The following IFT57 variants were observed in gnomAD, a reference collection of about 807,000 sequenced individuals.
IFT57 encodes the protein intraflagellar transport 57.
In IFT57, 59 loss-of-function variants were observed where a neutral mutation model predicts 56.8. The ratio of observed to expected loss-of-function variants is 1.04; its 90% confidence interval spans 0.84 to 1.29. IFT57 has a LOEUF of 1.29. IFT57 is among the 50% of genes most tolerant of loss of function. IFT57 has a pLI of 0.00. For missense variants in IFT57, 470 were observed against 522.1 expected, an observed-to-expected ratio of 0.90 and a Z score of 0.97; for synonymous variants, 209 against 186.1, an observed-to-expected ratio of 1.12 and a Z score of -1.00.
At chr3:108,214,914 C>A (rs2080362781) in intron 3 of IFT57, among the ~76,000 whole-genome samples, 1 of 152,074 alleles carries the variant, frequency 6.6e-6, no homozygotes. Context: ...TAACCTTTTC[C>A]TGCACAGACC....
intron 6 of IFT57, among the ~76,000 whole-genome samples, chr3:108,172,859 A>G (rs1260641108): frequency 6.6e-6 from 1 of 151,872 alleles, no homozygotes; most frequent in African/African-American, 2.4e-5. Context: ...TAAGTTTGAT[A>G]AGCTACTGGG....
At chr3:108,175,521 A>C (rs2080119326) in intron 6 of IFT57, among the ~76,000 whole-genome samples, 2 of 151,822 alleles carry the variant, frequency 1.3e-5, no homozygotes, top group African/African-American at 4.8e-5. Flanking sequence ...GTACACCATA[A>C]AATCAAAAAG....
At chr3:108,217,728 A>T (rs9844339) in intron 3 of IFT57, among the ~76,000 whole-genome samples, 66,771 of 134,060 alleles carry the variant, frequency 0.5, 15,295 homozygotes, top group Middle Eastern at 0.63. Context: ...AGTTCTAATT[A>T]AAAAAAAAAA....
At chr3:108,216,438 G>C (rs111489992) in intron 3 of IFT57, among the ~76,000 whole-genome samples, 1 of 152,156 alleles carries the variant, frequency 6.6e-6, no homozygotes, top group East Asian at 1.9e-4. Context: ...ACCCCAGTTA[G>C]AATGGCTATT....
chr3:108,185,947 C>G (rs1207127718), intron 6 of IFT57, among the ~76,000 whole-genome samples: 1 of 152,028 alleles, frequency 6.6e-6, no homozygotes, highest in South Asian at 2.1e-4. Flanking sequence ...TTTTTGATAT[C>G]GGACCATGCC....
chr3:108,192,174 C>CAAA (rs11347289), intron 5 of IFT57, among the ~76,000 whole-genome samples: 12 of 74,664 alleles, frequency 1.6e-4, no homozygotes, highest in African/African-American at 2.1e-4. Context: ...GACTCTGTCT[C>CAAA]AAAAAAAAAA....
intron 6 of IFT57, among the ~76,000 whole-genome samples, chr3:108,185,551 A>ATTTTTTT (rs1179200943): frequency 2.3e-5 from 2 of 87,292 alleles, no homozygotes; most frequent in African/African-American, 4.8e-5. Context: ...GAGCACTAGG[A>ATTTTTTT]TTTTTTTTTT....
At chr3:108,215,527 G>A (rs879567254) in intron 3 of IFT57, among the ~76,000 whole-genome samples, 1 of 152,136 alleles carries the variant, frequency 6.6e-6, no homozygotes, top group Non-Finnish European at 1.5e-5. Context: ...GACAGAGTGA[G>A]ACCCTGTCTT....
At chr3:108,186,475 G>A (rs1170929951) in intron 6 of IFT57, among the ~76,000 whole-genome samples, 2 of 152,088 alleles carry the variant, frequency 1.3e-5, no homozygotes, top group Non-Finnish European at 2.9e-5. Flanking sequence ...GGAGGAAGAC[G>A]AAGAAGAAGT....
At chr3:108,216,286 ACTAGT>A (rs1260804174) in intron 3 of IFT57, among the ~76,000 whole-genome samples, 3 of 152,224 alleles carry the variant, frequency 2.0e-5, no homozygotes, top group African/African-American at 7.2e-5. Context: ...CAACAAAAAA[ACTAGT>A]CTAATTTTTA....
In IFT57 at chr3:108,193,641, G is replaced by A. The variant is rs139020293; in HGVS notation, c.655-1998C>T. Reference sequence around the variant, plus strand: ...ATACTTCTATATATATTGGATCTAGGGTAGCCCAAGAGTATCATAGCTGGG... The same window carrying A: ...ATACTTCTATATATATTGGATCTAGAGTAGCCCAAGAGTATCATAGCTGGG... On this transcript the variant is annotated intron_variant, in intron 5 of 10. Coordinates refer to ENST00000264538, the MANE Select transcript of IFT57 (RefSeq NM_018010.4). Among the ~76,000 whole-genome samples, 1,179 of 152,084 alleles carry A rather than the reference G, an allele frequency of 7.8e-3. 13 individuals are homozygous for A. The highest frequency in any genetic ancestry group is 0.014 in the Middle Eastern group (4 of 294).
At chr3:108,191,107 T>A (rs1473351166) in intron 6 of IFT57, among the ~76,000 whole-genome samples, 1 of 152,148 alleles carries the variant, frequency 6.6e-6, no homozygotes, top group Non-Finnish European at 1.5e-5. Flanking sequence ...TTATTTTTAA[T>A]CACATGTATT....
chr3:108,210,810 T>C (rs2080339291), intron 4 of IFT57, among the ~76,000 whole-genome samples: 1 of 152,174 alleles, frequency 6.6e-6, no homozygotes. Context: ...AGAGACTTGA[T>C]GCAAGGGAAT....
At chr3:108,180,242 A>T (rs560220913) in intron 6 of IFT57, among the ~76,000 whole-genome samples, 1 of 151,934 alleles carries the variant, frequency 6.6e-6, no homozygotes, top group African/African-American at 2.4e-5. Context: ...GTTGACTCAG[A>T]CCTATTATTT....
chr3:108,192,064 C>T lies in IFT57; in HGVS notation c.655-421G>A, dbSNP rs557668895. Among the ~76,000 whole-genome samples, 8 of 148,822 alleles carry T rather than the reference C, an allele frequency of 5.4e-5. No homozygotes were observed. In the East Asian group the frequency reaches 1.0e-3, roughly 19 times the overall value. On this transcript the variant is annotated intron_variant, in intron 5 of 10. Coordinates refer to ENST00000264538, the MANE Select transcript of IFT57 (RefSeq NM_018010.4). ...GTGGGCGCCTGTAGTCCCAGCTACT[C>T]GGGAGGCTGAGGCAGGAGAATGGAG...
chr3:108,214,173 AAAC>A lies in IFT57; in HGVS notation c.495-155_495-153del, dbSNP rs1261149771. On this transcript the variant is annotated intron_variant, in intron 3 of 10. Coordinates refer to ENST00000264538, the MANE Select transcript of IFT57 (RefSeq NM_018010.4). ...TTAAATGTTTCATGTATTTTTCCTA[AAAC>A]TTTCTATGTAAAAAGCAAAAGTGTT... is the stretch of plus-strand genomic sequence containing the variant. 3.7e-5 allele frequency: 20 copies of A among 535,860 alleles called. No individual in the cohort carries two copies. The Admixed American group carries it at 3.8e-4, about 10-fold the overall frequency. The allele number at this position is 535,860 out of a possible 1,614,324, so 33.2% of individuals were successfully genotyped here. A position where few individuals can be genotyped will look rare whatever the true frequency, so the allele number is the denominator to read the frequency against.
chr3:108,194,565 C>T lies in IFT57; in HGVS notation c.655-2922G>A, dbSNP rs188515200. 3.3e-3 allele frequency among the ~76,000 whole-genome samples: 506 copies of T among 152,174 alleles called. 3 individuals carry two copies. Among genetic ancestry groups the T allele is most frequent in the Middle Eastern group, 6.8e-3 (2 of 294 alleles). On this transcript the variant is annotated intron_variant, in intron 5 of 10. Transcript: ENST00000264538. ...TGAGCAAAAAGAACAAAGCTGGAAT[C>T]ATTGCATTACCTGACTTCAAATTAT...
intron 5 of IFT57, among the ~76,000 whole-genome samples, chr3:108,193,190 T>C (rs1329347760): frequency 1.3e-5 from 2 of 152,230 alleles, no homozygotes; most frequent in East Asian, 1.9e-4. Context: ...TCCAATCAGA[T>C]GTAACACTAA....
chr3:108,188,218 G>A (rs544478919), intron 6 of IFT57, among the ~76,000 whole-genome samples: 3 of 152,298 alleles, frequency 2.0e-5, no homozygotes, highest in African/African-American at 7.2e-5. Context: ...ACCTCTTCTG[G>A]AGGAGAATGA....
Sources: gnomAD v4.1 joint callset for allele counts (sites outside exome capture counted in the v4.1 genomes callset) on GRCh38, gnomAD v4.1.1 for gene constraint, MANE v1.5 for transcripts, NCBI Gene and HGNC (gene_info 2026-07-23, HGNC 2026-07-21) for gene names.